Variants in CDH4 observed in about 807,000 individuals in gnomAD.
CDH4 encodes the protein cadherin-4.
In CDH4, 33 loss-of-function variants were observed where a neutral mutation model predicts 86.0. The observed-to-expected ratio is 0.38, with a 90% CI of 0.29 to 0.51. CDH4 has a LOEUF of 0.51. CDH4 is among the 20% of genes least tolerant of loss of function. CDH4 has a pLI of 0.86. For missense variants in CDH4, 1,114 were observed against 1,307.4 expected (o/e 0.85, Z 2.28); for synonymous variants, 555 against 549.4 (o/e 1.01, Z -0.14).
chr20:61,299,349 A>G (rs2084374156), intron 2 of CDH4, among the ~76,000 whole-genome samples: 1 of 151,996 alleles, frequency 6.6e-6, no homozygotes, highest in East Asian at 1.9e-4. Context: ...CCCTGCAGAC[A>G]CTCTGATCTC....
intron 2 of CDH4, among the ~76,000 whole-genome samples, chr20:61,381,892 T>C (rs998428291): frequency 6.6e-6 from 1 of 151,700 alleles, no homozygotes; most frequent in African/African-American, 2.4e-5. Context: ...CTGGCCAACA[T>C]GGTGAAACCC....
chr20:61,726,666 T>C (rs899998151), intron 2 of CDH4, among the ~76,000 whole-genome samples: 5 of 146,484 alleles, frequency 3.4e-5, no homozygotes, highest in Admixed American at 2.7e-4. Context: ...TGACCATCAC[T>C]GCCATCATCA....
chr20:61,338,108 T>C (rs1179908161), intron 2 of CDH4, among the ~76,000 whole-genome samples: 6 of 152,186 alleles, frequency 3.9e-5, no homozygotes, highest in Admixed American at 3.9e-4. Context: ...AAATCACCTC[T>C]AGCTATCCTC....
chr20:61,637,122 G>A (rs759396275), intron 2 of CDH4, among the ~76,000 whole-genome samples: 2 of 152,150 alleles, frequency 1.3e-5, no homozygotes, highest in African/African-American at 4.8e-5. Context: ...TTCAAGTTCT[G>A]CTTTTTAACT....
intron 2 of CDH4, among the ~76,000 whole-genome samples, chr20:61,655,614 C>A (rs1434297449): frequency 6.6e-6 from 1 of 152,258 alleles, no homozygotes; most frequent in Non-Finnish European, 1.5e-5. Context: ...CAGGAAGCTC[C>A]ACTGGCCAAG....
chr20:61,279,836 G>C (rs917065606), intron 2 of CDH4, among the ~76,000 whole-genome samples: 1 of 152,210 alleles, frequency 6.6e-6, no homozygotes, highest in African/African-American at 2.4e-5. Context: ...GGCTGGGGCT[G>C]TTGTGAGTAA....
intron 7 of CDH4, among the ~76,000 whole-genome samples, chr20:61,888,454 T>G (rs1984646314): frequency 6.6e-6 from 1 of 152,228 alleles, no homozygotes; most frequent in South Asian, 2.1e-4. Context: ...GTGGGCTGGC[T>G]GGTCTCTGCC....
intron 2 of CDH4, among the ~76,000 whole-genome samples, chr20:61,683,271 C>A (rs1354564923): frequency 6.6e-6 from 1 of 152,152 alleles, no homozygotes; most frequent in African/African-American, 2.4e-5. Flanking sequence ...AAATTCTGAT[C>A]TTTGGAAGGA....
chr20:61,362,545 C>T (rs905146213), intron 2 of CDH4, among the ~76,000 whole-genome samples: 5 of 150,138 alleles, frequency 3.3e-5, no homozygotes, highest in South Asian at 2.1e-4. Context: ...TAGGGGAGAG[C>T]GGAGACATGG....
At chr20:61,502,092 A>AGGGGGGGGG (rs2085706273) in intron 2 of CDH4, among the ~76,000 whole-genome samples, 1 of 148,614 alleles carries the variant, frequency 6.7e-6, no homozygotes, top group Non-Finnish European at 1.5e-5. Flanking sequence ...AGTGGGGGAC[A>AGGGGGGGGG]GGGGTGGGAT....
intron 2 of CDH4, among the ~76,000 whole-genome samples, chr20:61,609,382 C>T (rs563787779): frequency 2.0e-5 from 3 of 152,272 alleles, no homozygotes; most frequent in Admixed American, 6.5e-5. Flanking sequence ...AAGCACTGGC[C>T]TCGTGCAATG....
rs532407659 is a variant in CDH4, at chr20:61,766,040, A to G, written c.397-6963A>G. Among the ~76,000 whole-genome samples, 18 of 152,098 alleles carry G rather than the reference A, an allele frequency of 1.2e-4. No individual in the cohort carries two copies. The South Asian group carries it at 3.5e-3, about 30-fold the overall frequency. ...TAGAGGGACCGCGGATGCTGGGCCC[A>G]GCCCTGGGTTCTCTAGGACCCCACT... On this transcript the variant is annotated intron_variant, in intron 3 of 15. Transcript: ENST00000614565.
chr20:61,536,371 C>T (rs1054098968), intron 2 of CDH4, among the ~76,000 whole-genome samples: 3 of 152,136 alleles, frequency 2.0e-5, no homozygotes, highest in East Asian at 1.9e-4. Flanking sequence ...AGGAAGAGGC[C>T]GCACCCAAAC....
intron 4 of CDH4, among the ~76,000 whole-genome samples, chr20:61,798,855 A>C (rs1979687738): frequency 6.6e-6 from 1 of 152,196 alleles, no homozygotes; most frequent in Admixed American, 6.5e-5. Context: ...CAGTCTCATT[A>C]GCTCACGTCG....
chr20:61,788,774 A>G (rs1352388409), intron 4 of CDH4, among the ~76,000 whole-genome samples: 1 of 152,164 alleles, frequency 6.6e-6, no homozygotes, highest in Non-Finnish European at 1.5e-5. Context: ...CTGCTCAAAG[A>G]CCTGACTTCA....
intron 2 of CDH4, among the ~76,000 whole-genome samples, chr20:61,658,553 C>A (rs2087217210): frequency 6.6e-6 from 1 of 152,176 alleles, no homozygotes; most frequent in Admixed American, 6.5e-5. Context: ...AGGCCGAGTA[C>A]CTGCAAGGAG....
chr20:61,747,220 T>C (rs996429250), intron 3 of CDH4, among the ~76,000 whole-genome samples: 9 of 151,984 alleles, frequency 5.9e-5, no homozygotes, highest in African/African-American at 2.2e-4. Flanking sequence ...GGCGGGCGGA[T>C]CATGAGGTTA....
chr20:61,476,920 G>A (rs914519614), intron 2 of CDH4, among the ~76,000 whole-genome samples: 1 of 152,222 alleles, frequency 6.6e-6, no homozygotes, highest in Non-Finnish European at 1.5e-5. Flanking sequence ...TTATAGAAGA[G>A]TTGAGTGCAG....
intron 2 of CDH4, among the ~76,000 whole-genome samples, chr20:61,680,994 C>CCA (rs2087506398): frequency 6.6e-6 from 1 of 152,218 alleles, no homozygotes; most frequent in Non-Finnish European, 1.5e-5. Context: ...TTTGTTCCCT[C>CCA]CCTTTCCACC....
Sources: gnomAD v4.1 joint callset for allele counts (sites outside exome capture counted in the v4.1 genomes callset) on GRCh38, gnomAD v4.1.1 for gene constraint, MANE v1.5 for transcripts, NCBI Gene and HGNC (gene_info 2026-07-23, HGNC 2026-07-21) for gene names.